Variants in PBX4 observed in about 807,000 individuals in gnomAD.
The protein encoded by PBX4 is PBX homeobox 4, also known as pre-B-cell leukemia transcription factor 4.
A neutral mutation model predicts 35.1 loss-of-function variants in PBX4; 26 were observed. That is an observed-to-expected ratio of 0.74 (90% CI 0.54 to 1.03). The LOEUF (loss-of-function observed/expected upper bound fraction) is 1.03, where lower values mean the gene tolerates loss of function less well. Ranked by LOEUF, PBX4 falls within the 50% of genes least tolerant of loss-of-function variation. The pLI is 0.00. For missense variants in PBX4, 448 were observed against 504.3 expected (o/e 0.89, Z 1.07); for synonymous variants, 199 against 204.2 (o/e 0.97, Z 0.22).
rs191905542 is a variant in PBX4, at chr19:19,599,356, A to G, written c.129T>C (p.Ala43=). 3.7e-5 allele frequency: 59 copies of G among 1,612,978 alleles called. No individual in the cohort carries two copies. Among genetic ancestry groups the G allele is most frequent in the Admixed American group, 3.3e-4 (20 of 59,988 alleles). The change falls in exon 2 of 8, where the codon GCT becomes GCC. Residue 43 remains alanine, a synonymous_variant. Transcript: ENST00000251203. ...CAGGCTTCATCCGATGGCAATTCAGAGCATGCTTTCTGAAAGGGAGGTGAC... is the reference window on the plus strand; with the variant it reads ...CAGGCTTCATCCGATGGCAATTCAGGGCATGCTTTCTGAAAGGGAGGTGAC... ...SLDEAQARKH[A]LNCHRMKPAL...
intron 2 of PBX4, among the ~76,000 whole-genome samples, chr19:19,593,961 C>A (rs1452358297): frequency 6.6e-6 from 1 of 150,718 alleles, no homozygotes; most frequent in Non-Finnish European, 1.5e-5. Flanking sequence ...CCTCATCCCC[C>A]CAAAAATAGT....
intron 2 of PBX4, among the ~76,000 whole-genome samples, chr19:19,572,119 G>GGC (rs920328324): frequency 1.8e-5 from 2 of 113,732 alleles, no homozygotes; most frequent in Non-Finnish European, 3.3e-5. Flanking sequence ...CTGTCACCTA[G>GGC]GCTGGGGTGC....
intron 5 of PBX4, among the ~76,000 whole-genome samples, chr19:19,567,562 A>G (rs12985142): frequency 0.25 from 38,040 of 152,180 alleles, 4,826 homozygotes; most frequent in East Asian, 0.32. Flanking sequence ...GTGCCTGCCC[A>G]GGTGGGAGGG....
intron 1 of PBX4, 151 bp from the exon 2 acceptor site, chr19:19,599,516 A>G (rs1197782447): frequency 1.1e-5 from 7 of 639,846 alleles, no homozygotes; most frequent in Non-Finnish European, 2.0e-5. Flanking sequence ...CAGTACAATC[A>G]TATTTCATGT....
chr19:19,588,235 A>G, intron 2 of PBX4: 1 of 1,362,082 alleles, frequency 7.3e-7, no homozygotes, highest in Non-Finnish European at 1.0e-6. Flanking sequence ...CAGGGCCTCC[A>G]CAGATCACAC....
At chr19:19,582,458 G>A (rs140789220) in intron 2 of PBX4, among the ~76,000 whole-genome samples, 2,579 of 152,242 alleles carry the variant, frequency 0.017, 83 homozygotes, top group South Asian at 0.11. Context: ...CATTGATGGT[G>A]GAACAATGCA....
At chr19:19,616,260 AT>A (rs1168540562) in intron 1 of PBX4, among the ~76,000 whole-genome samples, 1 of 151,926 alleles carries the variant, frequency 6.6e-6, no homozygotes, top group African/African-American at 2.4e-5. Context: ...AAACTCCTTT[AT>A]TTTTCCCCAT....
At chr19:19,586,679 C>T (rs1248172408) in intron 2 of PBX4, among the ~76,000 whole-genome samples, 1 of 152,024 alleles carries the variant, frequency 6.6e-6, no homozygotes, top group East Asian at 1.9e-4. Context: ...GGCATGATGG[C>T]TCCTGCCTGT....
intron 2 of PBX4, among the ~76,000 whole-genome samples, chr19:19,574,544 C>T (rs542114594): frequency 2.7e-4 from 41 of 152,258 alleles, no homozygotes; most frequent in African/African-American, 9.6e-4. Flanking sequence ...TGGGCTGCAC[C>T]GAGGCTCTTT....
In PBX4 at chr19:19,570,194, C is replaced by G; in HGVS notation, c.547G>C (p.Gly183Arg). The change falls in exon 4 of 8, where the codon GGC becomes CGC. Residue 183 changes from glycine to arginine, a missense_variant. Transcript: ENST00000251203. ...EIERMVGAIHGKFSAIQMQLK... is the reference protein window; with the variant it reads ...EIERMVGAIHRKFSAIQMQLK... The stretch of plus-strand genomic sequence containing the variant: ...TGCATCTGGATGGCGCTGAACTTGC[C>G]GTGAATGGCGCCGACCATGCGCTCA... 6.2e-7 allele frequency: 1 copy of G among 1,614,106 alleles called. No homozygotes were observed. The highest frequency in any genetic ancestry group is 8.5e-7 in the Non-Finnish European group (1 of 1,180,014).
intron 5 of PBX4, among the ~76,000 whole-genome samples, chr19:19,565,908 C>T (rs2061338843): frequency 6.6e-6 from 1 of 151,732 alleles, no homozygotes; most frequent in South Asian, 2.1e-4. Context: ...GAGTGAGACC[C>T]TGTCTCAGAA....
At chr19:19,583,841 G>A (rs910597558) in intron 2 of PBX4, among the ~76,000 whole-genome samples, 6 of 152,130 alleles carry the variant, frequency 3.9e-5, no homozygotes, top group African/African-American at 9.6e-5. Flanking sequence ...AGGTTGAGGC[G>A]GGAAGATCAC....
At chr19:19,616,410 G>A (rs554129052) in intron 1 of PBX4, among the ~76,000 whole-genome samples, 1 of 151,954 alleles carries the variant, frequency 6.6e-6, no homozygotes, top group African/African-American at 2.4e-5. Flanking sequence ...GGCACCTCCT[G>A]GATTCAAGTG....
At chr19:19,597,158 A>G (rs1304426921) in intron 2 of PBX4, among the ~76,000 whole-genome samples, 1 of 152,124 alleles carries the variant, frequency 6.6e-6, no homozygotes, top group Non-Finnish European at 1.5e-5. Flanking sequence ...GATTGCAGTG[A>G]GCCAAGATCG....
At chr19:19,573,888 C>T (rs1462195900) in intron 2 of PBX4, among the ~76,000 whole-genome samples, 2 of 152,122 alleles carry the variant, frequency 1.3e-5, no homozygotes, top group Admixed American at 6.6e-5. Context: ...CGCCACCATG[C>T]CTGGCTAATT....
In PBX4 at chr19:19,562,048, T is replaced by C; in HGVS notation, c.1102A>G (p.Ile368Val). ...TASPAGDPGS[I>V]NSSTSN ...ACTTAATTAGATGTACTGGAGTTGA[T>C]GCTGCCAGGGTCTCCAGCAGGTGAG... The change falls in exon 8 of 8, where the codon ATC becomes GTC. Residue 368 changes from isoleucine (I) to valine (V), a missense_variant. By Grantham distance (29) the Ile-to-Val change is conservative. Transcript: ENST00000251203. This position sits in a 1 kb window ranked among gnomAD's most constrained non-coding sequence, Gnocchi z 4.8. 1 of 1,613,328 alleles carries C rather than the reference T, an allele frequency of 6.2e-7. No homozygotes were observed. The highest frequency in any genetic ancestry group is 2.2e-5 in the East Asian group (1 of 44,786).
At chr19:19,618,457 G>A in intron 1 of PBX4, 54 bp downstream of exon 1, 12 of 1,358,968 alleles carry the variant, frequency 8.8e-6, no homozygotes, top group Non-Finnish European at 1.0e-5. Flanking sequence ...CCCTCAGCCC[G>A]CCAACCTCAC....
intron 1 of PBX4, among the ~76,000 whole-genome samples, chr19:19,601,056 G>C (rs925045614): frequency 6.6e-5 from 10 of 152,168 alleles, no homozygotes; most frequent in Non-Finnish European, 1.2e-4. Flanking sequence ...TGGCAGTTAA[G>C]AGGGAGGGAG....
chr19:19,563,014 CCACA>C lies in PBX4; in HGVS notation c.1032+491_1032+494del, dbSNP rs1026855272. 2.0e-5 allele frequency among the ~76,000 whole-genome samples: 3 copies of C among 152,194 alleles called. No homozygotes were observed. The highest frequency in any genetic ancestry group is 7.2e-5 in the African/African-American group (3 of 41,442). ...CGGCTCTGCAGTGCCCTGGCACACACCACACACACAGCCTCGTGCCTGTGCTGGG... is the reference window on the plus strand; with the variant it reads ...CGGCTCTGCAGTGCCCTGGCACACACCACACAGCCTCGTGCCTGTGCTGGG... On this transcript the variant is annotated intron_variant, in intron 7 of 7. Coordinates refer to ENST00000251203, the MANE Select transcript of PBX4 (RefSeq NM_025245.3). This position sits in a 1 kb window ranked among gnomAD's most constrained non-coding sequence, Gnocchi z 5.1.
Sources: allele counts gnomAD v4.1 joint callset (sites outside exome capture counted in the v4.1 genomes callset), GRCh38; gene constraint gnomAD v4.1.1; non-coding constraint Gnocchi (gnomAD v3.1); transcripts MANE v1.5; gene names NCBI Gene and HGNC (gene_info 2026-07-23, HGNC 2026-07-21).